The following TLN2 variants were observed in gnomAD, a reference collection of about 807,000 sequenced individuals.
TLN2 encodes the protein talin 2, also known as talin-2.
In TLN2, 118 loss-of-function variants were observed where a neutral mutation model predicts 294.7. The observed-to-expected ratio is 0.40, with a 90% confidence interval of 0.34 to 0.47. The LOEUF (loss-of-function observed/expected upper bound fraction) is 0.47. Ranked by LOEUF, TLN2 falls within the 20% of genes least tolerant of loss-of-function variation. The pLI, the probability that TLN2 is intolerant of heterozygous loss-of-function variation, is 0.84. For missense variants in TLN2, 3,083 were observed against 3,282.2 expected, an observed-to-expected ratio of 0.94 and a Z score of 1.48; for synonymous variants, 1,431 against 1,304.5, an observed-to-expected ratio of 1.10 and a Z score of -2.09.
At chr15:62,780,992 T>C (rs1283749600) in intron 43 of TLN2, 148 bp from the exon 44 acceptor site, 1 of 621,144 alleles carries the variant, frequency 1.6e-6, no homozygotes, top group African/African-American at 1.8e-5. Context: ...TTGAAGTCCT[T>C]ATTGCACAAG....
At chr15:62,748,533 G>T (rs1595871346) in intron 33 of TLN2, 89 bp downstream of exon 33, 1 of 1,104,606 alleles carries the variant, frequency 9.1e-7, no homozygotes, top group Non-Finnish European at 1.4e-6. Context: ...GTCTGTGTCT[G>T]TTCTTTCCCT....
intron 39 of TLN2, among the ~76,000 whole-genome samples, chr15:62,762,785 A>G (rs987363015): frequency 2.6e-5 from 4 of 152,212 alleles, no homozygotes; most frequent in Admixed American, 1.3e-4. Context: ...TTAAGGCCCA[A>G]TGGCTGTCTA....
chr15:62,785,976 G>A (rs1452161309), intron 45 of TLN2, among the ~76,000 whole-genome samples: 6 of 152,200 alleles, frequency 3.9e-5, no homozygotes, highest in African/African-American at 4.8e-5. Context: ...AGCAGCTGAC[G>A]TTTTCATTAA....
intron 1 of TLN2, among the ~76,000 whole-genome samples, chr15:62,555,283 A>AT (rs1250108135): frequency 6.6e-6 from 1 of 152,022 alleles, no homozygotes; most frequent in African/African-American, 2.4e-5. Context: ...TACGTTACTA[A>AT]TTTTTCATTT....
intron 42 of TLN2, among the ~76,000 whole-genome samples, chr15:62,774,384 T>C (rs1006266037): frequency 6.6e-6 from 1 of 152,048 alleles, no homozygotes; most frequent in Admixed American, 6.6e-5. Flanking sequence ...ACCTCATTGT[T>C]GGGCCCACCG....
chr15:62,594,381 A>G (rs2046315152), intron 2 of TLN2, among the ~76,000 whole-genome samples: 1 of 151,932 alleles, frequency 6.6e-6, no homozygotes, highest in East Asian at 1.9e-4. Flanking sequence ...CTAATTTTTA[A>G]TTTTTTTGGA....
intron 1 of TLN2, among the ~76,000 whole-genome samples, chr15:62,579,775 C>T (rs2044756760): frequency 6.6e-6 from 1 of 152,208 alleles, no homozygotes; most frequent in Non-Finnish European, 1.5e-5. Context: ...CACATTCTCT[C>T]TCTGCATGTC....
intron 3 of TLN2, among the ~76,000 whole-genome samples, chr15:62,632,529 C>T (rs1224565540): frequency 6.6e-6 from 1 of 152,216 alleles, no homozygotes; most frequent in Non-Finnish European, 1.5e-5. Context: ...TCCTCTCTCA[C>T]AGGCAGCAGC....
At chr15:62,620,138 C>A (rs1391037294) in intron 3 of TLN2, among the ~76,000 whole-genome samples, 1 of 151,880 alleles carries the variant, frequency 6.6e-6, no homozygotes, top group Non-Finnish European at 1.5e-5. Context: ...ACCACACCGG[C>A]TATTTTTTTT....
At chr15:62,443,178 G>A (rs1377238106) in intron 1 of TLN2, among the ~76,000 whole-genome samples, 2 of 152,328 alleles carry the variant, frequency 1.3e-5, no homozygotes, top group Admixed American at 6.5e-5. Context: ...GGATTGGGGT[G>A]TGAATATTGT....
chr15:62,549,538 G>A (rs1306829687), intron 1 of TLN2, among the ~76,000 whole-genome samples: 2 of 139,180 alleles, frequency 1.4e-5, no homozygotes, highest in Admixed American at 1.5e-4. Flanking sequence ...TTCCTGCTAT[G>A]TGCCAAGAAC....
At chr15:62,732,944 G>C (rs2060810734) in intron 28 of TLN2, among the ~76,000 whole-genome samples, 1 of 152,174 alleles carries the variant, frequency 6.6e-6, no homozygotes, top group African/African-American at 2.4e-5. Context: ...TGCAGTGAGA[G>C]CATCATTAGG....
At chr15:62,736,777 C>T in intron 28 of TLN2, 101 bp from the exon 29 acceptor site, 1 of 1,258,606 alleles carries the variant, frequency 7.9e-7, no homozygotes, top group Non-Finnish European at 1.1e-6. Flanking sequence ...TAATCTGCAG[C>T]TCCCCTTCTG....
At position 62,440,939 on chromosome 15, in the gene TLN2, C is replaced by T. The variant is rs199942174; in HGVS notation, c.-238+50254C>T. Among the ~76,000 whole-genome samples, 33 of 152,236 alleles carry T rather than the reference C, an allele frequency of 2.2e-4. No individual in the cohort carries two copies. In the East Asian group the frequency reaches 5.6e-3, roughly 26 times the overall value. On this transcript the variant is annotated intron_variant, in intron 1 of 58. Coordinates refer to ENST00000636159, the MANE Select transcript of TLN2 (RefSeq NM_015059.3). ...AACAGGCTATTTCTATCCTGGAAAA[C>T]GGCCTGTGGAAACAAAGCCAGGTTC...
intron 1 of TLN2, among the ~76,000 whole-genome samples, chr15:62,437,339 G>A (rs140122749): frequency 3.3e-5 from 5 of 152,214 alleles, no homozygotes; most frequent in Non-Finnish European, 4.4e-5. Flanking sequence ...CCTGGTGATT[G>A]GTGGTGGCTG....
At chr15:62,773,799 G>T (rs754610503) in intron 42 of TLN2, among the ~76,000 whole-genome samples, 3 of 152,138 alleles carry the variant, frequency 2.0e-5, no homozygotes, top group Non-Finnish European at 4.4e-5. Context: ...CCTAAACAAT[G>T]AAGGTAATTA....
At chr15:62,783,032 A>G (rs574398136) in intron 44 of TLN2, among the ~76,000 whole-genome samples, 1 of 152,322 alleles carries the variant, frequency 6.6e-6, no homozygotes, top group South Asian at 2.1e-4. Flanking sequence ...CAGCTGCCTT[A>G]GATAATTGAG....
chr15:62,398,661 G>T (rs2032758695), intron 1 of TLN2, among the ~76,000 whole-genome samples: 1 of 152,200 alleles, frequency 6.6e-6, no homozygotes, highest in African/African-American at 2.4e-5. Context: ...GAGCCAAGGT[G>T]ACTCTTGCTA....
chr15:62,430,443 C>T (rs1459876556), intron 1 of TLN2, among the ~76,000 whole-genome samples: 1 of 152,176 alleles, frequency 6.6e-6, no homozygotes, highest in African/African-American at 2.4e-5. Flanking sequence ...ACTTTAGCTT[C>T]TGTTTTGTTC....
Sources: gnomAD v4.1 joint callset for allele counts (sites outside exome capture counted in the v4.1 genomes callset) on GRCh38, gnomAD v4.1.1 for gene constraint, MANE v1.5 for transcripts, NCBI Gene and HGNC (gene_info 2026-07-23, HGNC 2026-07-21) for gene names.